MATR3: variants seen among roughly 807,000 people sequenced by gnomAD.
MATR3 encodes matrin 3, also known as matrin-3.
A neutral mutation model predicts 85.5 loss-of-function variants in MATR3; 4 were observed. The observed-to-expected ratio is 0.05, with a 90% confidence interval of 0.02 to 0.11. The LOEUF is 0.11. MATR3 is among the 10% of genes least tolerant of loss of function. The probability of loss-of-function intolerance (pLI) is 1.00; values close to 1 mark genes in which losing one functional copy is unlikely to be tolerated. For synonymous variants in MATR3, 336 were observed against 343.1 expected, an observed-to-expected ratio of 0.98 and a Z score of 0.23; for missense variants, 685 against 1,016.1, an observed-to-expected ratio of 0.67 and a Z score of 4.43.
In MATR3 at chr5:139,315,815, TAAAC is replaced by T. The variant is rs970130057; in HGVS notation, c.1016+81_1016+84del. 2.5e-4 allele frequency: 296 copies of T among 1,198,752 alleles called. No individual in the cohort carries two copies. The East Asian group carries it at 5.2e-3, about 21-fold the overall frequency. The allele number at this position is 1,198,752 out of a possible 1,614,324, so 74.3% of individuals were successfully genotyped here. A position where few individuals can be genotyped will look rare whatever the true frequency, so the allele number is the denominator to read the frequency against. On this transcript the variant is annotated intron_variant, in intron 4 of 14. Coordinates refer to ENST00000394805, the MANE Select transcript of MATR3 (RefSeq NM_018834.6). ...TTCAGGTTTCACTTTCAACATTTCA[TAAAC>T]AAAGTATTTTCAGAATTTCTTTACT... is the stretch of plus-strand genomic sequence containing the variant.
Position 139,274,922 on chromosome 5 carries a change from T to TA in MATR3, c.-287+770dup, listed in dbSNP as rs199619982. Among the ~76,000 whole-genome samples, 79 of 150,420 alleles carry TA rather than the reference T, an allele frequency of 5.3e-4. No individual in the cohort carries two copies. The East Asian group carries it at 8.7e-3, about 16-fold the overall frequency. Reference sequence around the variant, plus strand: ...CCTGGTAACAGAGCAAGACTCCGTCTAAAAAAAAATGGTGACTGTGTAGGA... The same window carrying TA: ...CCTGGTAACAGAGCAAGACTCCGTCTAAAAAAAAAATGGTGACTGTGTAGGA... On this transcript the variant is annotated intron_variant, in intron 1 of 16. Coordinates refer to ENST00000509990, the Ensembl canonical transcript of MATR3.
At chr5:139,303,041 A>G (rs1359332622) in intron 1 of MATR3, among the ~76,000 whole-genome samples, 7 of 151,496 alleles carry the variant, frequency 4.6e-5, no homozygotes, top group East Asian at 1.9e-4. Flanking sequence ...ACCATCTCAA[A>G]TTAGTTGTTT....
At chr5:139,311,120 C>T (rs1437447787) in intron 2 of MATR3, 4 of 152,176 alleles carry the variant, frequency 2.6e-5, no homozygotes, top group Non-Finnish European at 5.9e-5. Context: ...TCTATGCAAT[C>T]TCAAGCTTTC....
upstream of MATR3, among the ~76,000 whole-genome samples, chr5:139,289,118 T>C (rs1489142873): frequency 6.6e-6 from 1 of 152,246 alleles, no homozygotes; most frequent in African/African-American, 2.4e-5. Context: ...TGATGAATCC[T>C]ACCAAATTCC....
chr5:139,313,093 A>G (rs1755073755), intron 2 of MATR3: 1 of 145,058 alleles, frequency 6.9e-6, no homozygotes, highest in African/African-American at 2.6e-5. Flanking sequence ...GAAAGCACGT[A>G]TCTTGTAATT....
chr5:139,316,925 A>C (rs1755276248), intron 5 of MATR3, 128 bp from the exon 6 acceptor site: 1 of 748,192 alleles, frequency 1.3e-6, no homozygotes, highest in Non-Finnish European at 2.4e-6. Context: ...ATTGCATGAA[A>C]AGTGATGGTA....
chr5:139,322,771 T>C lies in MATR3; in HGVS notation c.1952T>C (p.Leu651Pro). ...CAGACAGAGCAGGAACCTAATATGC[T>C]TCTTGAATCTGAAGATGAGCTACTT... ...DDQTEQEPNM[L>P]LESEDELLVD... The change falls in exon 12 of 15, where the codon CTT (leucine) becomes CCT (proline). Residue 651 changes from leucine (L) to proline (P), a missense_variant. By Grantham distance (98) the Leu-to-Pro change is moderately conservative. Around this residue, in one of 9 missense-constraint regions of MATR3, gnomAD observed 215 missense variants for 194.7 expected, o/e 1.10. Transcript: ENST00000394805. The C allele has an allele frequency of 6.2e-7, 1 of 1,614,198 alleles. No individual in the cohort carries two copies. Among genetic ancestry groups the C allele is most frequent in the Non-Finnish European group, 8.5e-7 (1 of 1,180,036 alleles).
intron 1 of MATR3, chr5:139,294,883 C>CTATTGGA (rs1754062464): frequency 6.6e-6 from 1 of 152,120 alleles, no homozygotes; most frequent in South Asian, 2.1e-4. Context: ...TGGAATATTC[C>CTATTGGA]TATTGGATCA....
intron 2 of MATR3, chr5:139,314,325 G>T: frequency 3.2e-6 from 1 of 313,798 alleles, no homozygotes; most frequent in Non-Finnish European, 6.2e-6. Context: ...AGCATACAAT[G>T]AATACTTCAG....
chr5:139,325,187 C>G, intron 12 of MATR3: 1 of 1,422,422 alleles, frequency 7.0e-7, no homozygotes, highest in Non-Finnish European at 9.3e-7. Context: ...AGCAAGACTC[C>G]GTCTCAAAAA....
In MATR3 at chr5:139,315,545, A is replaced by G. The variant is rs1011197503; in HGVS notation, c.975-152A>G. 9.1e-6 allele frequency: 5 copies of G among 551,982 alleles called. No homozygotes were observed. The Admixed American group carries it at 1.4e-4, about 15-fold the overall frequency. 34.2% of individuals were successfully genotyped at this position (551,982 alleles called of 1,614,324 possible). ...GAAGTTCTGAAATTTTTCTTTTGAA[A>G]TATCTATTGGAAATGCTTTAAAACT... On this transcript the variant is annotated intron_variant, in intron 3 of 14. Coordinates refer to ENST00000394805, the MANE Select transcript of MATR3 (RefSeq NM_018834.6).
chr5:139,302,693 T>TA (rs1467028187), intron 1 of MATR3, among the ~76,000 whole-genome samples: 1 of 152,252 alleles, frequency 6.6e-6, no homozygotes, highest in Non-Finnish European at 1.5e-5. Context: ...GCTTTGAAAT[T>TA]ACTGACAGTC....
intron 2 of MATR3, chr5:139,313,212 T>C (rs1264195590): frequency 6.6e-6 from 1 of 151,946 alleles, no homozygotes; most frequent in Non-Finnish European, 1.5e-5. Context: ...TTGTATTGGG[T>C]AGTGTGGGTG....
chr5:139,306,355 T>C (rs985958853), intron 1 of MATR3, among the ~76,000 whole-genome samples: 2 of 152,194 alleles, frequency 1.3e-5, no homozygotes, highest in African/African-American at 2.4e-5. Context: ...GTAACCAAGA[T>C]CTCATTTTCA....
intron 3 of MATR3, chr5:139,315,396 C>T (rs767869976): frequency 3.7e-5 from 12 of 323,840 alleles, no homozygotes; most frequent in Non-Finnish European, 7.0e-5. Context: ...CTATGTAACC[C>T]ACATTTCTAA....
chr5:139,279,354 G>C (rs546180828), intron 3 of MATR3: 1 of 331,260 alleles, frequency 3.0e-6, no homozygotes. Flanking sequence ...TCAGCCTCCC[G>C]AGTAGCTGGG....
intron 3 of MATR3, among the ~76,000 whole-genome samples, chr5:139,288,344 C>T (rs1266168438): frequency 1.3e-5 from 2 of 152,212 alleles, no homozygotes; most frequent in African/African-American, 2.4e-5. Context: ...TAAATAATTA[C>T]TTCGTTGAAA....
intron 3 of MATR3, chr5:139,279,562 G>C (rs1017506642): frequency 1.4e-4 from 24 of 173,936 alleles, no homozygotes; most frequent in Non-Finnish European, 2.3e-4. Context: ...GGAGTGCAAT[G>C]GCGCAATCTC....
chr5:139,304,722 T>C (rs1754622520), intron 1 of MATR3, among the ~76,000 whole-genome samples: 1 of 152,220 alleles, frequency 6.6e-6, no homozygotes, highest in African/African-American at 2.4e-5. Flanking sequence ...ATATTTAAAA[T>C]TGTTTTAACC....
Sources: allele counts gnomAD v4.1 joint callset (sites outside exome capture counted in the v4.1 genomes callset), GRCh38; gene constraint gnomAD v4.1.1; regional missense constraint gnomAD v4.1.1; transcripts MANE v1.5; gene names NCBI Gene and HGNC (gene_info 2026-07-23, HGNC 2026-07-21).